The following CELF4 variants were observed in gnomAD, a reference collection of about 807,000 sequenced individuals.
The protein encoded by CELF4 is CUGBP Elav-like family member 4, also known as CUG-BP- and ETR-3-like factor 4.
In CELF4, 18 loss-of-function variants were observed where a neutral mutation model predicts 59.9. The ratio of observed to expected loss-of-function variants is 0.30; its 90% confidence interval spans 0.21 to 0.45. The LOEUF is 0.45. Ranked by LOEUF, CELF4 falls within the 20% of genes least tolerant of loss-of-function variation. The pLI, the probability that CELF4 is intolerant of heterozygous loss-of-function variation, is 1.00. For missense variants in CELF4, 456 were observed against 689.0 expected (o/e 0.66, Z 3.79); for synonymous variants, 261 against 267.1 (o/e 0.98, Z 0.22).
At chr18:37,337,916 C>T (rs2097834151) in intron 2 of CELF4, among the ~76,000 whole-genome samples, 1 of 152,224 alleles carries the variant, frequency 6.6e-6, no homozygotes, top group South Asian at 2.1e-4. Context: ...TGTGTTTAAC[C>T]TGACCCCCGC....
chr18:37,274,697 C>G, intron 5 of CELF4, 108 bp downstream of exon 5: 1 of 1,498,680 alleles, frequency 6.7e-7, no homozygotes, highest in Non-Finnish European at 8.9e-7. Context: ...GAATAAGGGT[C>G]ATGCTTTCCT....
chr18:37,294,694 G>A (rs1329960357), intron 3 of CELF4, among the ~76,000 whole-genome samples: 2 of 152,152 alleles, frequency 1.3e-5, no homozygotes. Context: ...TCCATTTCTT[G>A]TCTCCACAGT....
rs397692958 is a variant in CELF4 at position 37,272,572 on chromosome 18, G to GAA, written c.949+442_949+443dup. 8.1e-3 allele frequency among the ~76,000 whole-genome samples: 853 copies of GAA among 104,788 alleles called. 9 individuals carry two copies. The highest frequency in any genetic ancestry group is 0.011 in the African/African-American group (324 of 28,346). The allele number at this position is 104,788 out of a possible 152,430, so 68.7% of individuals were successfully genotyped here. On this transcript the variant is annotated intron_variant, in intron 7 of 12. Transcript: ENST00000420428. ...AGTCTAGATTGGGTTAAAGGGAAAT[G>GAA]AAAAAAAAAAAAAAAAAAAAAAGAC...
At chr18:37,394,912 C>T (rs2099222209) in intron 2 of CELF4, among the ~76,000 whole-genome samples, 2 of 151,752 alleles carry the variant, frequency 1.3e-5, no homozygotes, top group South Asian at 4.2e-4. Context: ...TGGTGGCCAT[C>T]ACTCCACAGC....
intron 2 of CELF4, among the ~76,000 whole-genome samples, chr18:37,429,920 C>G (rs1194338338): frequency 1.3e-5 from 2 of 152,208 alleles, no homozygotes; most frequent in Non-Finnish European, 2.9e-5. Context: ...CTGCCTCCCA[C>G]TTAGCTGCTC....
At chr18:37,524,623 A>G (rs930309798) in intron 1 of CELF4, among the ~76,000 whole-genome samples, 1 of 152,234 alleles carries the variant, frequency 6.6e-6, no homozygotes, top group South Asian at 2.1e-4. Flanking sequence ...GAGCAGCCGT[A>G]GGAAATATTG....
chr18:37,482,971 A>G (rs1366910620), intron 2 of CELF4, among the ~76,000 whole-genome samples: 1 of 151,948 alleles, frequency 6.6e-6, no homozygotes, highest in Non-Finnish European at 1.5e-5. Flanking sequence ...TTTTTTTTCA[A>G]TTTCATTCTC....
intron 2 of CELF4, among the ~76,000 whole-genome samples, chr18:37,383,431 G>T (rs555053197): frequency 6.6e-6 from 1 of 152,272 alleles, no homozygotes; most frequent in East Asian, 1.9e-4. Context: ...GAGAGCTTGG[G>T]GTGCATTTTA....
chr18:37,383,028 ATG>A (rs2099058852), intron 2 of CELF4, among the ~76,000 whole-genome samples: 3 of 4,114 alleles, frequency 7.3e-4, no homozygotes, highest in African/African-American at 3.9e-3. Flanking sequence ...ACATACATGT[ATG>A]TATGTATGTA....
At position 37,244,454 on chromosome 18, in the gene CELF4, T is replaced by C. The variant is rs2061351105; in HGVS notation, c.*788A>G. The C allele has an allele frequency of 1.3e-5, 2 of 152,596 alleles. No homozygotes were observed. Among genetic ancestry groups the C allele is most frequent in the South Asian group, 4.1e-4 (2 of 4,828 alleles). The allele number at this position is 152,596 out of a possible 1,614,324, so 9.5% of individuals were successfully genotyped here. A position where few individuals can be genotyped will look rare whatever the true frequency, so the allele number is the denominator to read the frequency against. ...TCCAGACATAGAATACAGAAAACCA[T>C]AGGAAAGTGTCATAGACTTGGATGA... On this transcript the variant is annotated 3_prime_UTR_variant, in exon 13 of 13. Coordinates refer to ENST00000420428, the MANE Select transcript of CELF4 (RefSeq NM_020180.4).
At chr18:37,330,630 C>T (rs1299616301) in intron 2 of CELF4, among the ~76,000 whole-genome samples, 1 of 152,158 alleles carries the variant, frequency 6.6e-6, no homozygotes, top group Admixed American at 6.5e-5. Flanking sequence ...TTCCCGATGC[C>T]CACGCAGGGC....
intron 3 of CELF4, among the ~76,000 whole-genome samples, chr18:37,278,795 G>C (rs2093733618): frequency 6.6e-6 from 1 of 152,170 alleles, no homozygotes; most frequent in Non-Finnish European, 1.5e-5. Context: ...TTATGATGGG[G>C]AACACACTTG....
At chr18:37,291,342 A>G (rs571757838) in intron 3 of CELF4, among the ~76,000 whole-genome samples, 29 of 152,354 alleles carry the variant, frequency 1.9e-4, no homozygotes, top group African/African-American at 7.0e-4. Flanking sequence ...GAGAATGAAT[A>G]GTGACTGTAA....
intron 1 of CELF4, among the ~76,000 whole-genome samples, chr18:37,515,866 G>A (rs2099950122): frequency 6.6e-6 from 1 of 152,182 alleles, no homozygotes; most frequent in African/African-American, 2.4e-5. Flanking sequence ...GGAGTGGGTG[G>A]AGGGCAAAGG....
chr18:37,331,589 C>T (rs16968756), intron 2 of CELF4, among the ~76,000 whole-genome samples: 3,015 of 152,072 alleles, frequency 0.02, 116 homozygotes, highest in African/African-American at 0.069. Context: ...GGTGTGCACT[C>T]GGGTCTCAGA....
rs996265377 is a variant in CELF4, at chr18:37,550,084, G to A, written c.286+15272C>T. Among the ~76,000 whole-genome samples, 367 of 58,796 alleles carry A rather than the reference G, an allele frequency of 6.2e-3. 3 individuals are homozygous for A. The highest frequency in any genetic ancestry group is 0.052 in the African/African-American group (342 of 6,574). The allele number at this position is 58,796 out of a possible 152,430, so 38.6% of individuals were successfully genotyped here. ...CAACTGGCAATGTGGTCCAATGGGT[G>A]GGGGGGGGGGATCCGTGGGAAGAAA... On this transcript the variant is annotated intron_variant, in intron 1 of 12. Coordinates refer to ENST00000420428, the MANE Select transcript of CELF4 (RefSeq NM_020180.4).
Position 37,253,619 on chromosome 18 carries a change from C to T in CELF4, c.*44+148G>A. On this transcript the variant is annotated intron_variant, in intron 12 of 12. Transcript: ENST00000420428. The surrounding 1 kb of genome is among the most constrained non-coding windows in gnomAD (Gnocchi z 4.5). The stretch of plus-strand genomic sequence containing the variant: ...GGGTGACGGCAGCTCTGCGCCTGGC[C>T]CGAGGAGCAGGGCGAGGAGCAGGTT... 3 of 562,484 alleles carry T rather than the reference C, an allele frequency of 5.3e-6. No homozygotes were observed. The highest frequency in any genetic ancestry group is 7.0e-5 in the East Asian group (2 of 28,738). 34.8% of individuals were successfully genotyped at this position (562,484 alleles called of 1,614,324 possible). A position where few individuals can be genotyped will look rare whatever the true frequency, so the allele number is the denominator to read the frequency against.
At chr18:37,544,430 C>T (rs1047217262) in intron 1 of CELF4, among the ~76,000 whole-genome samples, 16 of 152,170 alleles carry the variant, frequency 1.1e-4, no homozygotes, top group African/African-American at 3.9e-4. Flanking sequence ...AGCCTCCACT[C>T]CCCACTGAAT....
rs969664977 is a variant in CELF4, at chr18:37,546,498, G to A, written c.286+18858C>T. On this transcript the variant is annotated intron_variant, in intron 1 of 12. Coordinates refer to ENST00000420428, the MANE Select transcript of CELF4 (RefSeq NM_020180.4). ...TTCATTCAGGCTGTGGACAGACGTGGTCCTGGTGTGAGATACCTCTGGACC... is the reference window on the plus strand; with the variant it reads ...TTCATTCAGGCTGTGGACAGACGTGATCCTGGTGTGAGATACCTCTGGACC... Among the ~76,000 whole-genome samples, 6 of 152,210 alleles carry A rather than the reference G, an allele frequency of 3.9e-5. No homozygotes were observed. In the South Asian group the frequency reaches 1.2e-3, roughly 31 times the overall value.
Sources: allele counts gnomAD v4.1 joint callset (sites outside exome capture counted in the v4.1 genomes callset), GRCh38; gene constraint gnomAD v4.1.1; non-coding constraint Gnocchi (gnomAD v3.1); transcripts MANE v1.5; gene names NCBI Gene and HGNC (gene_info 2026-07-23, HGNC 2026-07-21).